ABCC2: variants seen among roughly 807,000 people sequenced by gnomAD.
ABCC2 encodes the protein ATP-binding cassette sub-family C member 2.
ABCC2 carries 157 observed loss-of-function variants against 173.4 expected under a neutral mutation model. The observed-to-expected ratio is 0.91, with a 90% CI of 0.80 to 1.03. The LOEUF (loss-of-function observed/expected upper bound fraction) is 1.03, where lower values mean the gene tolerates loss of function less well. Among genes scored for constraint, ABCC2 ranks in the 50% least tolerant of loss-of-function variants. The pLI is 0.00. For missense variants in ABCC2, 1,822 were observed against 1,852.3 expected (o/e 0.98, Z 0.30); for synonymous variants, 657 against 693.5 (o/e 0.95, Z 0.83).
intron 19 of ABCC2, among the ~76,000 whole-genome samples, chr10:99,825,761 A>AT (rs1267615374): frequency 6.6e-6 from 1 of 152,128 alleles, no homozygotes; most frequent in Non-Finnish European, 1.5e-5. Flanking sequence ...CTCTGTGGGG[A>AT]TTTTTTGTGG....
chr10:99,791,543 T>G (rs1590140541), intron 2 of ABCC2, among the ~76,000 whole-genome samples: 1 of 152,200 alleles, frequency 6.6e-6, no homozygotes, highest in Admixed American at 6.5e-5. Context: ...ACAGTTTCTG[T>G]GGATCAAGAA....
At chr10:99,784,856 T>C (rs755355332) in intron 2 of ABCC2, 75 bp downstream of exon 2, 7 of 1,566,170 alleles carry the variant, frequency 4.5e-6, no homozygotes, top group Non-Finnish European at 6.1e-6. Flanking sequence ...TGGTTAGTGT[T>C]CTCTTCCTTG....
At chr10:99,803,478 T>TTCCA (rs1188577507) in intron 9 of ABCC2, among the ~76,000 whole-genome samples, 2 of 152,152 alleles carry the variant, frequency 1.3e-5, no homozygotes, top group African/African-American at 4.8e-5. Flanking sequence ...CCCTCTCTCC[T>TTCCA]TCCATCCATC....
intron 10 of ABCC2, among the ~76,000 whole-genome samples, chr10:99,804,621 A>G (rs553722629): frequency 2.0e-5 from 3 of 152,102 alleles, no homozygotes; most frequent in Non-Finnish European, 4.4e-5. Flanking sequence ...AACCAACCAC[A>G]GAGAGCAGTC....
chr10:99,842,399 A>C (rs1050539241), intron 26 of ABCC2, among the ~76,000 whole-genome samples: 1 of 152,212 alleles, frequency 6.6e-6, no homozygotes, highest in African/African-American at 2.4e-5. Flanking sequence ...GAGAGAATAA[A>C]TAACTTTCTT....
chr10:99,836,034 A>C, intron 24 of ABCC2, 57 bp from the exon 25 acceptor site: 1 of 1,556,964 alleles, frequency 6.4e-7, no homozygotes, highest in Non-Finnish European at 8.8e-7. Context: ...GAAAGGAGGA[A>C]GATGGTGGAT....
chr10:99,792,736 G>C (rs1193250088), intron 3 of ABCC2, among the ~76,000 whole-genome samples: 1 of 152,130 alleles, frequency 6.6e-6, no homozygotes, highest in Non-Finnish European at 1.5e-5. Context: ...AGTGAGCTTA[G>C]AGTTTATATA....
chr10:99,837,109 A>G (rs1590186541), intron 25 of ABCC2, among the ~76,000 whole-genome samples: 1 of 148,728 alleles, frequency 6.7e-6, no homozygotes, highest in South Asian at 2.1e-4. Flanking sequence ...TGGTGCAGAC[A>G]TTTAAATACA....
intron 5 of ABCC2, 21 bp from the exon 6 acceptor site, chr10:99,794,392 C>T (rs751568473): frequency 8.1e-5 from 130 of 1,610,888 alleles, no homozygotes; most frequent in South Asian, 2.5e-4. Flanking sequence ...GTTTACATTT[C>T]GATTTTTTTG....
chr10:99,789,687 G>A (rs2037779386), intron 2 of ABCC2, among the ~76,000 whole-genome samples: 1 of 138,164 alleles, frequency 7.2e-6, no homozygotes, highest in Admixed American at 7.7e-5. Context: ...TCCAGCCTGG[G>A]TGACAGAGCG....
Position 99,849,014 on chromosome 10 carries a change from C to T in ABCC2, c.4314-1588C>T, listed in dbSNP as rs986038627. Among the ~76,000 whole-genome samples the T allele has an allele frequency of 5.3e-5, 8 of 152,276 alleles. No homozygotes were observed. The East Asian group carries it at 1.2e-3, about 22-fold the overall frequency. On this transcript the variant is annotated intron_variant, in intron 30 of 31. Transcript: ENST00000647814. Reference sequence around the variant, plus strand: ...CCGAGGCAGCCGGATCACCTGAGGTCGGGAGCTCGAGACCAGCCTGACCAA... The same window carrying T: ...CCGAGGCAGCCGGATCACCTGAGGTTGGGAGCTCGAGACCAGCCTGACCAA...
At chr10:99,814,710 CATGTATAT>C (rs2038362264) in intron 16 of ABCC2, among the ~76,000 whole-genome samples, 2 of 137,612 alleles carry the variant, frequency 1.5e-5, no homozygotes, top group East Asian at 4.6e-4. Context: ...TATGTGTATA[CATGTATAT>C]ACACATATGT....
chr10:99,807,647 G>A (rs2038135971), intron 12 of ABCC2, 126 bp downstream of exon 12: 1 of 1,388,888 alleles, frequency 7.2e-7, no homozygotes, highest in East Asian at 2.3e-5. Flanking sequence ...CAGGGGACTT[G>A]TCCCTCTCAC....
intron 16 of ABCC2, among the ~76,000 whole-genome samples, chr10:99,814,376 CACATAT>C: frequency 4.4e-5 from 1 of 22,570 alleles, no homozygotes; most frequent in East Asian, 3.8e-3. Flanking sequence ...TGTATATATA[CACATAT>C]ATACATATAT....
At chr10:99,796,399 G>A (rs1289956749) in intron 6 of ABCC2, among the ~76,000 whole-genome samples, 1 of 152,162 alleles carries the variant, frequency 6.6e-6, no homozygotes, top group Non-Finnish European at 1.5e-5. Flanking sequence ...AGCTACTTGG[G>A]AGGCTGAGGC....
In ABCC2 at chr10:99,836,290, GGT is replaced by G; in HGVS notation, c.3614+2_3614+3del. On this transcript the variant is annotated splice_donor_variant, in intron 25 of 31. Transcript: ENST00000647814. LOFTEE classifies it high-confidence loss of function. The stretch of plus-strand genomic sequence containing the variant: ...GTCTTTTCCTGGATCACCTCCAACA[GGT>G]GAGGCTTCCCCTGGGTATTTACCCA... 6.2e-7 allele frequency: 1 copy of G among 1,614,180 alleles called. No individual in the cohort carries two copies. Among genetic ancestry groups the G allele is most frequent in the Non-Finnish European group, 8.5e-7 (1 of 1,180,022 alleles).
At chr10:99,832,222 G>T (rs977088485) in intron 23 of ABCC2, 91 bp downstream of exon 23, 6 of 1,510,164 alleles carry the variant, frequency 4.0e-6, no homozygotes, top group Admixed American at 1.8e-5. Context: ...AGACAACACT[G>T]TTCAGTTCCA....
At chr10:99,811,629 G>A (rs761920679) in intron 15 of ABCC2, 27 bp downstream of exon 15, 2 of 1,612,850 alleles carry the variant, frequency 1.2e-6, no homozygotes, top group Non-Finnish European at 1.7e-6. Flanking sequence ...CCATCCTAAT[G>A]TTCTTTAGCA....
rs1187313222 is a variant in ABCC2 at position 99,814,256 on chromosome 10, T to C, written c.2094+1112T>C. Among the ~76,000 whole-genome samples the C allele has an allele frequency of 8.3e-4, 29 of 34,918 alleles. 3 individuals are homozygous for C. Among genetic ancestry groups the C allele is most frequent in the African/African-American group, 1.9e-3 (16 of 8,248 alleles). The allele number at this position is 34,918 out of a possible 152,430, so 22.9% of individuals were successfully genotyped here. A position where few individuals can be genotyped will look rare whatever the true frequency, so the allele number is the denominator to read the frequency against. On this transcript the variant is annotated intron_variant, in intron 16 of 31. Coordinates refer to ENST00000647814, the MANE Select transcript of ABCC2 (RefSeq NM_000392.5). ...GTGTATATATGCACACACGTATGTATACACACGTATGTATACACACGTATG... is the reference window on the plus strand; with the variant it reads ...GTGTATATATGCACACACGTATGTACACACACGTATGTATACACACGTATG...
Sources: allele counts gnomAD v4.1 joint callset (sites outside exome capture counted in the v4.1 genomes callset), GRCh38; gene constraint gnomAD v4.1.1; transcripts MANE v1.5; gene names NCBI Gene and HGNC (gene_info 2026-07-23, HGNC 2026-07-21).